The following ALK variants were observed in gnomAD, a reference collection of about 807,000 sequenced individuals.
The protein encoded by ALK is ALK receptor tyrosine kinase.
ALK carries 74 observed loss-of-function variants against 163.1 expected under a neutral mutation model. The observed-to-expected ratio is 0.45, with a 90% CI of 0.38 to 0.55. The LOEUF is 0.55. Among genes scored for constraint, ALK ranks in the 20% least tolerant of loss-of-function variants. The pLI, the probability that ALK is intolerant of heterozygous loss-of-function variation, is 0.00. For synonymous variants in ALK, 960 were observed against 843.2 expected, an observed-to-expected ratio of 1.14 and a Z score of -2.40; for missense variants, 2,063 against 2,105.3, an observed-to-expected ratio of 0.98 and a Z score of 0.39.
intron 1 of ALK, among the ~76,000 whole-genome samples, chr2:29,724,144 G>A (rs1364932713): frequency 6.6e-6 from 1 of 152,156 alleles, no homozygotes; most frequent in South Asian, 2.1e-4. Context: ...AGGCTCACTG[G>A]CAAGCATGTT....
intron 1 of ALK, among the ~76,000 whole-genome samples, chr2:29,915,072 A>G (rs1170857298): frequency 1.3e-5 from 2 of 152,266 alleles, no homozygotes; most frequent in African/African-American, 4.8e-5. Flanking sequence ...AATAATGATT[A>G]TAAAGAAAGG....
intron 1 of ALK, among the ~76,000 whole-genome samples, chr2:29,789,135 T>C (rs1664124627): frequency 2.6e-5 from 4 of 151,458 alleles, no homozygotes. Context: ...ATGAACACCA[T>C]AATTACTACC....
chr2:29,560,798 C>T (rs1373550107), intron 3 of ALK, among the ~76,000 whole-genome samples: 3 of 152,108 alleles, frequency 2.0e-5, no homozygotes, highest in Admixed American at 6.5e-5. Context: ...TCTCGAACTC[C>T]TGGACTCAAG....
At chr2:29,666,049 T>C (rs542179670) in intron 3 of ALK, among the ~76,000 whole-genome samples, 97 of 152,260 alleles carry the variant, frequency 6.4e-4, no homozygotes, top group Non-Finnish European at 1.3e-3. Context: ...TGCTCATCTC[T>C]AGGCCATTTT....
chr2:29,538,721 C>A (rs975726277), intron 3 of ALK, among the ~76,000 whole-genome samples: 1 of 152,078 alleles, frequency 6.6e-6, no homozygotes, highest in Non-Finnish European at 1.5e-5. Flanking sequence ...ACATTCCACA[C>A]ACTGGAAAAT....
intron 1 of ALK, among the ~76,000 whole-genome samples, chr2:29,880,693 G>C (rs1294281955): frequency 6.6e-6 from 1 of 152,204 alleles, no homozygotes; most frequent in African/African-American, 2.4e-5. Context: ...CTATGTGCTT[G>C]GTTATGGGAA....
intron 1 of ALK, among the ~76,000 whole-genome samples, chr2:29,844,479 C>T (rs1276016065): frequency 1.3e-5 from 2 of 152,000 alleles, no homozygotes; most frequent in African/African-American, 4.8e-5. Flanking sequence ...ATAAGGGGTA[C>T]CAAGGACATA....
intron 1 of ALK, among the ~76,000 whole-genome samples, chr2:29,841,077 A>C (rs2148394619): frequency 6.6e-6 from 1 of 152,300 alleles, no homozygotes; most frequent in South Asian, 2.1e-4. Context: ...CTCCCTTTGA[A>C]TAAATCATAT....
At chr2:29,627,643 A>T (rs1054827787) in intron 3 of ALK, among the ~76,000 whole-genome samples, 1 of 152,180 alleles carries the variant, frequency 6.6e-6, no homozygotes, top group Non-Finnish European at 1.5e-5. Flanking sequence ...TTACAACAGG[A>T]AGATGTCCCA....
chr2:29,782,146 G>C (rs1385995377), intron 1 of ALK, among the ~76,000 whole-genome samples: 1 of 152,202 alleles, frequency 6.6e-6, no homozygotes, highest in Non-Finnish European at 1.5e-5. Context: ...AATTCTAAGA[G>C]CTAAATTGCT....
At chr2:29,905,474 G>A (rs1013415309) in intron 1 of ALK, among the ~76,000 whole-genome samples, 15 of 151,966 alleles carry the variant, frequency 9.9e-5, no homozygotes, top group Admixed American at 1.3e-4. Flanking sequence ...TCTCCAATCA[G>A]ATTCTTCCAA....
rs77220421 is a variant in ALK at position 29,291,799 on chromosome 2, T to C, written c.1817+5089A>G. 5.9e-3 allele frequency among the ~76,000 whole-genome samples: 891 copies of C among 152,256 alleles called. 13 individuals are homozygous for C. The highest frequency in any genetic ancestry group is 0.02 in the African/African-American group (843 of 41,538). On this transcript the variant is annotated intron_variant, in intron 9 of 28. Transcript: ENST00000389048. ...CGGAAATCTCTGGATTTCCACTCAC[T>C]GAAATCTACTATTTCTCTACACAGA...
chr2:29,757,899 T>G (rs1573611585), intron 1 of ALK, among the ~76,000 whole-genome samples: 1 of 152,148 alleles, frequency 6.6e-6, no homozygotes, highest in South Asian at 2.1e-4. Context: ...CTAAAGGATT[T>G]TGAGTAGTAG....
rs189517118 is a variant in ALK, at chr2:29,435,414, C to T, written c.1155-51555G>A. ...CTGTCAGAGGCAGCCCTGCCAGATGCCACCAACAAGAGGATAAAACTGAGC... is the reference window on the plus strand; with the variant it reads ...CTGTCAGAGGCAGCCCTGCCAGATGTCACCAACAAGAGGATAAAACTGAGC... On this transcript the variant is annotated intron_variant, in intron 4 of 28. Coordinates refer to ENST00000389048, the MANE Select transcript of ALK (RefSeq NM_004304.5). Among the ~76,000 whole-genome samples the T allele has an allele frequency of 6.2e-4, 94 of 152,074 alleles. 1 individual carries two copies. The highest frequency in any genetic ancestry group is 2.3e-3 in the African/African-American group (94 of 41,464).
intron 2 of ALK, among the ~76,000 whole-genome samples, chr2:29,701,952 T>C (rs1678754219): frequency 6.6e-6 from 1 of 151,870 alleles, no homozygotes; most frequent in Admixed American, 6.6e-5. Context: ...GGATTGCCAA[T>C]AGAAAAGGCA....
Position 29,382,012 on chromosome 2 carries a change from G to A in ALK, c.1282+1720C>T, listed in dbSNP as rs78253655. On this transcript the variant is annotated intron_variant, in intron 5 of 28. Coordinates refer to ENST00000389048, the MANE Select transcript of ALK (RefSeq NM_004304.5). ...TCCCCATCCCTTGTTGACCACAGGC[G>A]GTCTGACCCAGAGAAGAATCACAGA... Among the ~76,000 whole-genome samples, 101 of 152,178 alleles carry A rather than the reference G, an allele frequency of 6.6e-4. No individual in the cohort carries two copies. In the East Asian group the frequency reaches 0.014, roughly 21 times the overall value.
At chr2:29,867,210 A>G (rs1238306970) in intron 1 of ALK, among the ~76,000 whole-genome samples, 1 of 152,174 alleles carries the variant, frequency 6.6e-6, no homozygotes, top group Non-Finnish European at 1.5e-5. Flanking sequence ...TCAAGTGAGC[A>G]TGTCAAAGAT....
chr2:29,275,703 G>A (rs182387960), intron 9 of ALK, among the ~76,000 whole-genome samples: 91 of 152,274 alleles, frequency 6.0e-4, no homozygotes, highest in African/African-American at 2.0e-3. Flanking sequence ...CTATCGCTCC[G>A]TACTGTTAAT....
At chr2:29,766,009 T>C (rs1266611843) in intron 1 of ALK, among the ~76,000 whole-genome samples, 1 of 152,216 alleles carries the variant, frequency 6.6e-6, no homozygotes, top group African/African-American at 2.4e-5. Flanking sequence ...GGAAATGCTT[T>C]GTCTTGCTTT....
Sources: gnomAD v4.1 joint callset for allele counts (sites outside exome capture counted in the v4.1 genomes callset) on GRCh38, gnomAD v4.1.1 for gene constraint, MANE v1.5 for transcripts, NCBI Gene and HGNC (gene_info 2026-07-23, HGNC 2026-07-21) for gene names.